Variants in MBNL2 observed in about 807,000 individuals in gnomAD.
The protein encoded by MBNL2 is muscleblind like splicing regulator 2.
In MBNL2, 17 loss-of-function variants were observed where a neutral mutation model predicts 41.9. The ratio of observed to expected loss-of-function variants is 0.41; its 90% CI spans 0.28 to 0.61. MBNL2 has a LOEUF of 0.61. Among genes scored for constraint, MBNL2 ranks in the 20% least tolerant of loss-of-function variants. The pLI, the probability that MBNL2 is intolerant of heterozygous loss-of-function variation, is 0.35. For synonymous variants in MBNL2, 195 were observed against 182.9 expected, an observed-to-expected ratio of 1.07 and a Z score of -0.53; for missense variants, 336 against 505.6, an observed-to-expected ratio of 0.66 and a Z score of 3.22.
chr13:97,202,919 G>A, the MBNL2 span, among the ~76,000 whole-genome samples: 1 of 152,188 alleles, frequency 6.6e-6, no homozygotes, highest in African/African-American at 2.4e-5. Context: ...ACAGCCAGTA[G>A]ATTTTGTTTA....
intron 2 of MBNL2, among the ~76,000 whole-genome samples, chr13:97,282,311 C>T (rs933017351): frequency 4.6e-5 from 7 of 152,128 alleles, no homozygotes; most frequent in Admixed American, 1.3e-4. Flanking sequence ...GCCATGATTG[C>T]ACCACTGTAC....
the MBNL2 span, among the ~76,000 whole-genome samples, chr13:97,164,297 C>T: frequency 0.1 from 15,597 of 152,254 alleles, 902 homozygotes; most frequent in South Asian, 0.16. Context: ...CATGAGCCAC[C>T]GCACCCAGTT....
chr13:97,205,044 C>T, the MBNL2 span, among the ~76,000 whole-genome samples: 4 of 151,572 alleles, frequency 2.6e-5, no homozygotes, highest in African/African-American at 7.3e-5. Context: ...TGGTGGCACG[C>T]ACCTGTAGTC....
chr13:97,216,127 C>T, the MBNL2 span, among the ~76,000 whole-genome samples: 27 of 152,110 alleles, frequency 1.8e-4, no homozygotes, highest in Non-Finnish European at 3.7e-4. Flanking sequence ...ACATTTCTTG[C>T]GATAAATTCA....
At chr13:97,201,397 C>G in the MBNL2 span, among the ~76,000 whole-genome samples, 1 of 152,174 alleles carries the variant, frequency 6.6e-6, no homozygotes, top group Non-Finnish European at 1.5e-5. Context: ...TTTTAAAATA[C>G]CTTTAGACAT....
intron 2 of MBNL2, among the ~76,000 whole-genome samples, chr13:97,309,925 G>A (rs74103239): frequency 1.3e-5 from 2 of 152,230 alleles, no homozygotes; most frequent in East Asian, 1.9e-4. Context: ...AAATAAGATC[G>A]AGAATAGCAC....
chr13:97,385,652 A>C (rs767470174), intron 8 of MBNL2, among the ~76,000 whole-genome samples: 7 of 152,200 alleles, frequency 4.6e-5, no homozygotes, highest in Non-Finnish European at 1.0e-4. Flanking sequence ...TTACATAAGA[A>C]GTATAAACAC....
intron 2 of MBNL2, among the ~76,000 whole-genome samples, chr13:97,278,528 A>G (rs546481143): frequency 3.3e-5 from 5 of 152,174 alleles, no homozygotes; most frequent in Admixed American, 2.0e-4. Flanking sequence ...GTGACTATCA[A>G]CTGGGCAACA....
the MBNL2 span, among the ~76,000 whole-genome samples, chr13:97,156,509 T>C: frequency 7.4e-6 from 1 of 134,950 alleles, no homozygotes; most frequent in Admixed American, 7.6e-5. Context: ...GGTTTTCTTC[T>C]AGGGTTTTTA....
intron 1 of MBNL2, among the ~76,000 whole-genome samples, chr13:97,269,850 A>C (rs946299046): frequency 1.9e-4 from 29 of 152,208 alleles, no homozygotes; most frequent in African/African-American, 7.0e-4. Context: ...GCAGATCTAC[A>C]CCAGGTCTAA....
At chr13:97,145,442 G>T in the MBNL2 span, among the ~76,000 whole-genome samples, 17 of 152,354 alleles carry the variant, frequency 1.1e-4, no homozygotes, top group Non-Finnish European at 2.1e-4. Flanking sequence ...AGGCAAGAGA[G>T]AGGATGATGA....
chr13:97,270,717 G>C (rs1292121243), intron 1 of MBNL2, among the ~76,000 whole-genome samples: 1 of 152,156 alleles, frequency 6.6e-6, no homozygotes, highest in Non-Finnish European at 1.5e-5. Context: ...CAACTGGCAG[G>C]CTAGTAAGTC....
At position 97,346,765 on chromosome 13, in the gene MBNL2, G is replaced by A; in HGVS notation, c.541-39G>A. The A allele has an allele frequency of 1.9e-6, 3 of 1,598,102 alleles. No individual in the cohort carries two copies. The highest frequency in any genetic ancestry group is 2.6e-6 in the Non-Finnish European group (3 of 1,170,146). Reference sequence around the variant, plus strand: ...GGGGCCGCAGGGGCGCCTGGGCTCAGGCTTGCCTCTGCAGCGCGGCTCTTC... The same window carrying A: ...GGGGCCGCAGGGGCGCCTGGGCTCAAGCTTGCCTCTGCAGCGCGGCTCTTC... On this transcript the variant is annotated intron_variant, in intron 4 of 8. Transcript: ENST00000679496. The surrounding 1 kb of genome is among the most constrained non-coding windows in gnomAD (Gnocchi z 4.2).
chr13:97,191,180 G>A, the MBNL2 span, among the ~76,000 whole-genome samples: 2 of 151,730 alleles, frequency 1.3e-5, no homozygotes, highest in African/African-American at 2.4e-5. Context: ...CAAATTGGTT[G>A]TGAGGCAGCC....
At chr13:97,222,881 T>C (rs2041021022) in intron 1 of MBNL2, among the ~76,000 whole-genome samples, 1 of 152,110 alleles carries the variant, frequency 6.6e-6, no homozygotes, top group African/African-American at 2.4e-5. Flanking sequence ...ATAGATAAAG[T>C]TTACATGGAT....
At chr13:97,155,275 C>T in the MBNL2 span, among the ~76,000 whole-genome samples, 1 of 151,700 alleles carries the variant, frequency 6.6e-6, no homozygotes, top group Admixed American at 6.6e-5. Flanking sequence ...TTTTTATATC[C>T]AGGTTTTAAA....
At chr13:97,203,943 CGGAT>C in the MBNL2 span, among the ~76,000 whole-genome samples, 4 of 151,484 alleles carry the variant, frequency 2.6e-5, 1 homozygote, top group African/African-American at 9.7e-5. Flanking sequence ...GATGGACAGA[CGGAT>C]GGATGGACAG....
intron 1 of MBNL2, among the ~76,000 whole-genome samples, chr13:97,232,908 G>T (rs2042601574): frequency 6.8e-6 from 1 of 146,868 alleles, no homozygotes; most frequent in Admixed American, 6.8e-5. Flanking sequence ...TACACTGAAT[G>T]AACTTAAACA....
intron 1 of MBNL2, among the ~76,000 whole-genome samples, chr13:97,225,163 C>G (rs146032243): frequency 7.2e-5 from 11 of 152,178 alleles, no homozygotes; most frequent in African/African-American, 2.4e-4. Context: ...CAGCCAGTCC[C>G]GCGCTCAGGG....
Sources: gnomAD v4.1 joint callset for allele counts (sites outside exome capture counted in the v4.1 genomes callset) on GRCh38, gnomAD v4.1.1 for gene constraint, Gnocchi (gnomAD v3.1) non-coding constraint, MANE v1.5 for transcripts, NCBI Gene and HGNC (gene_info 2026-07-23, HGNC 2026-07-21) for gene names.